The following PTGDR variants were observed in gnomAD, a reference collection of about 807,000 sequenced individuals.
The protein encoded by PTGDR is prostaglandin D2 receptor, also known as PGD2 receptor.
In PTGDR, 19 loss-of-function variants were observed where a neutral mutation model predicts 17.4. The ratio of observed to expected loss-of-function variants is 1.09; its 90% CI spans 0.76 to 1.60. PTGDR has a LOEUF of 1.60. Among genes scored for constraint, PTGDR ranks in the 40% most tolerant of loss-of-function variants. The pLI, the probability that PTGDR is intolerant of heterozygous loss-of-function variation, is 0.00. For synonymous variants in PTGDR, 267 were observed against 224.2 expected (o/e 1.19, Z -1.71); for missense variants, 526 against 481.9 (o/e 1.09, Z -0.86).
At chr14:52,273,185 G>A (rs948489833) in intron 1 of PTGDR, among the ~76,000 whole-genome samples, 1 of 151,710 alleles carries the variant, frequency 6.6e-6, no homozygotes, top group Admixed American at 6.6e-5. Flanking sequence ...GCTGATTTTT[G>A]TATTTTTAGT....
downstream of PTGDR, among the ~76,000 whole-genome samples, chr14:52,280,673 T>A (rs1045252495): frequency 2.6e-5 from 4 of 152,232 alleles, no homozygotes; most frequent in Non-Finnish European, 5.9e-5. Flanking sequence ...CATATCTGAT[T>A]GTTTCCTCTG....
intron 1 of PTGDR, 56 bp from the exon 2 acceptor site, chr14:52,274,675 T>C: frequency 7.1e-7 from 1 of 1,401,040 alleles, no homozygotes; most frequent in Non-Finnish European, 1.0e-6. Flanking sequence ...AGTAAGTGAA[T>C]CCATTGCTGC....
rs2033397882 is a variant in PTGDR at position 52,275,027 on chromosome 14, T to C, written c.*63T>C. 8.0e-7 allele frequency: 1 copy of C among 1,253,926 alleles called. No individual in the cohort carries two copies. The highest frequency in any genetic ancestry group is 1.1e-6 in the Non-Finnish European group (1 of 909,060). 77.7% of individuals were successfully genotyped at this position (1,253,926 alleles called of 1,614,324 possible). On this transcript the variant is annotated 3_prime_UTR_variant, in exon 2 of 2. Coordinates refer to ENST00000306051, the MANE Select transcript of PTGDR (RefSeq NM_000953.3). ...CACATTTTCAGTCAAAGAACCATGA[T>C]TAAAAAAAAAAAGACAACTTACAAT... is the stretch of plus-strand genomic sequence containing the variant.
chr14:52,274,681 G>A (rs1173541580), intron 1 of PTGDR, 50 bp from the exon 2 acceptor site: 3 of 1,445,558 alleles, frequency 2.1e-6, no homozygotes, highest in South Asian at 2.3e-5. Flanking sequence ...TGAATCCATT[G>A]CTGCCATTAA....
rs200863166 is a variant in PTGDR at position 52,275,304 on chromosome 14, T to C, written c.*340T>C. ...TTTTTTTTAGAGAGGCCTTGAGACA[T>C]ACAGGTCTTTTAAAATACAGTAGAA... On this transcript the variant is annotated 3_prime_UTR_variant, in exon 2 of 2. Coordinates refer to ENST00000306051, the MANE Select transcript of PTGDR (RefSeq NM_000953.3). 9 of 199,164 alleles carry C rather than the reference T, an allele frequency of 4.5e-5. No individual in the cohort carries two copies. The highest frequency in any genetic ancestry group is 8.2e-5 in the Non-Finnish European group (8 of 97,324). The allele number at this position is 199,164 out of a possible 1,614,324, so 12.3% of individuals were successfully genotyped here. A position where few individuals can be genotyped will look rare whatever the true frequency, so the allele number is the denominator to read the frequency against.
At chr14:52,269,388 T>C in intron 1 of PTGDR, 1 of 1,326,612 alleles carries the variant, frequency 7.5e-7, no homozygotes, top group Non-Finnish European at 1.0e-6. Context: ...AAAGCCATTA[T>C]CTCCGGTTTC....
In PTGDR at chr14:52,275,095, T is replaced by C; in HGVS notation, c.*131T>C. The C allele has an allele frequency of 1.4e-6, 1 of 727,340 alleles. No homozygotes were observed. Among genetic ancestry groups the C allele is most frequent in the South Asian group, 2.0e-5 (1 of 50,722 alleles). The allele number at this position is 727,340 out of a possible 1,614,324, so 45.1% of individuals were successfully genotyped here. A position where few individuals can be genotyped will look rare whatever the true frequency, so the allele number is the denominator to read the frequency against. ...ACCTCCCATAACAAAAGCATGTATATGTATTTTCAAAAGTATTTGATATCT... is the reference window on the plus strand; with the variant it reads ...ACCTCCCATAACAAAAGCATGTATACGTATTTTCAAAAGTATTTGATATCT... On this transcript the variant is annotated 3_prime_UTR_variant, in exon 2 of 2. Transcript: ENST00000306051.
chr14:52,268,696 G>C, intron 1 of PTGDR, 36 bp downstream of exon 1: 5 of 1,528,198 alleles, frequency 3.3e-6, no homozygotes, highest in Non-Finnish European at 4.4e-6. Context: ...AGGGCACTGA[G>C]ACTGTCCGGC....
Position 52,268,156 on chromosome 14 carries a change from C to G in PTGDR, c.342C>G (p.Phe114Leu), listed in dbSNP as rs1471804516. ...AAGCCTTCGCCTTCTTCATGTCCTT[C>G]TTTGGGCTCTCCTCGACACTGCAAC... The part of the protein sequence containing the change: ...LCQAFAFFMS[F>L]FGLSSTLQLL... The change falls in exon 1 of 2, where the codon TTC (phenylalanine) becomes TTG (leucine). Residue 114 changes from phenylalanine (F) to leucine (L), a missense_variant. Coordinates refer to ENST00000306051, the MANE Select transcript of PTGDR (RefSeq NM_000953.3). 10 of 1,614,060 alleles carry G rather than the reference C, an allele frequency of 6.2e-6. No homozygotes were observed. The Admixed American group carries it at 1.7e-4, about 27-fold the overall frequency.
At chr14:52,269,471 C>G in intron 1 of PTGDR, 1 of 1,535,138 alleles carries the variant, frequency 6.5e-7, no homozygotes, top group East Asian at 2.4e-5. Context: ...CTGGAGTCCC[C>G]GCCAAGACAC....
downstream of PTGDR, among the ~76,000 whole-genome samples, chr14:52,278,973 T>C (rs532711634): frequency 6.6e-6 from 1 of 151,084 alleles, no homozygotes; most frequent in East Asian, 1.9e-4. Flanking sequence ...ATAATTTGAC[T>C]TTTTTGTATA....
Position 52,267,749 on chromosome 14 carries a change from A to G in PTGDR, c.-66A>G. The G allele has an allele frequency of 6.8e-7, 1 of 1,470,122 alleles. No homozygotes were observed. The highest frequency in any genetic ancestry group is 9.0e-7 in the Non-Finnish European group (1 of 1,113,810). The allele number at this position is 1,470,122 out of a possible 1,614,324, so 91.1% of individuals were successfully genotyped here. On this transcript the variant is annotated 5_prime_UTR_variant, in exon 1 of 2. Transcript: ENST00000306051. ...CGCGCGGAGCTGCCGGGGGCTCCTT[A>G]GCACCCGGGCGCCGGGGCCCTCGCC...
rs532440561 is a variant in PTGDR at position 52,271,505 on chromosome 14, G to A, written c.846+2845G>A. On this transcript the variant is annotated intron_variant, in intron 1 of 1. Coordinates refer to ENST00000306051, the MANE Select transcript of PTGDR (RefSeq NM_000953.3). The stretch of plus-strand genomic sequence containing the variant: ...AAACAAGATAAAATGTACCTCTTGT[G>A]TTTTCCATATGTACAAGGAAAATGT... Among the ~76,000 whole-genome samples the A allele has an allele frequency of 2.0e-5, 3 of 152,282 alleles. No individual in the cohort carries two copies. In the East Asian group the frequency reaches 5.8e-4, roughly 29 times the overall value.
chr14:52,274,113 A>G (rs1304981197), intron 1 of PTGDR, among the ~76,000 whole-genome samples: 4 of 152,182 alleles, frequency 2.6e-5, no homozygotes, highest in Non-Finnish European at 2.9e-5. Flanking sequence ...AAAAGTAACA[A>G]TTTGTGCTAA....
rs778557419 is a variant in PTGDR at position 52,268,275 on chromosome 14, C to T, written c.461C>T (p.Pro154Leu). The T allele has an allele frequency of 6.2e-7, 1 of 1,613,956 alleles. No individual in the cohort carries two copies. The highest frequency in any genetic ancestry group is 1.1e-5 in the South Asian group (1 of 91,088). The change falls in exon 1 of 2, where the codon CCG (proline) becomes CTG (leucine). Residue 154 changes from proline (P) to leucine (L), a missense_variant. Pro to Leu is a moderately conservative substitution (Grantham distance 98). Coordinates refer to ENST00000306051, the MANE Select transcript of PTGDR (RefSeq NM_000953.3). ...CTGCGCCTGGGCGCACTGGTGGCCC[C>T]GGTGGTGAGCGCCTTCTCCCTGGCT... The part of the protein sequence containing the change: ...ITLRLGALVA[P>L]VVSAFSLAFC...
intron 1 of PTGDR, among the ~76,000 whole-genome samples, chr14:52,274,473 C>G (rs745780616): frequency 2.6e-5 from 4 of 152,162 alleles, no homozygotes; most frequent in African/African-American, 4.8e-5. Flanking sequence ...GGTAGAATAG[C>G]CTTCAGGGAC....
intron 1 of PTGDR, chr14:52,269,428 G>A (rs1594618249): frequency 1.3e-6 from 2 of 1,490,354 alleles, no homozygotes; most frequent in Non-Finnish European, 1.8e-6. Context: ...CGATGGAAAT[G>A]AAATTATCTC....
downstream of PTGDR, among the ~76,000 whole-genome samples, chr14:52,278,037 A>G (rs1186528303): frequency 6.6e-6 from 1 of 152,192 alleles, no homozygotes; most frequent in East Asian, 1.9e-4. Context: ...AACTAGTTCA[A>G]CCATTGTGGA....
intron 1 of PTGDR, among the ~76,000 whole-genome samples, chr14:52,269,159 G>C (rs925273436): frequency 1.3e-5 from 2 of 152,212 alleles, no homozygotes; most frequent in Admixed American, 6.5e-5. Context: ...AAGGGAAAAA[G>C]AGGTTTAAGC....
Sources: allele counts gnomAD v4.1 joint callset (sites outside exome capture counted in the v4.1 genomes callset), GRCh38; gene constraint gnomAD v4.1.1; transcripts MANE v1.5; gene names NCBI Gene and HGNC (gene_info 2026-07-23, HGNC 2026-07-21).